SUSD3: variants seen among roughly 807,000 people sequenced by gnomAD.
SUSD3 encodes the protein sushi domain containing 3.
SUSD3 carries 18 observed loss-of-function variants against 20.6 expected under a neutral mutation model. That is an observed-to-expected ratio of 0.87 (90% CI 0.60 to 1.30). The LOEUF (loss-of-function observed/expected upper bound fraction) is 1.30. SUSD3 is among the 50% of genes most tolerant of loss of function. The pLI is 0.00. For synonymous variants in SUSD3, 137 were observed against 141.5 expected, an observed-to-expected ratio of 0.97 and a Z score of 0.23; for missense variants, 306 against 346.9, an observed-to-expected ratio of 0.88 and a Z score of 0.94.
At chr9:93,075,697 G>A (rs1213780490) in intron 1 of SUSD3, 87 bp from the exon 2 acceptor site, 3 of 872,596 alleles carry the variant, frequency 3.4e-6, no homozygotes, top group East Asian at 2.9e-5. Context: ...TGCTGTGCCA[G>A]CTCCTCACTC....
At chr9:93,074,431 C>CAAAAAA (rs56872294) in intron 1 of SUSD3, among the ~76,000 whole-genome samples, 4 of 38,874 alleles carry the variant, frequency 1.0e-4, no homozygotes, top group Middle Eastern at 0.017. Flanking sequence ...GACTCTGACT[C>CAAAAAA]AAAAAAAAAA....
intron 1 of SUSD3, 117 bp from the exon 2 acceptor site, chr9:93,075,667 C>T (rs1826107417): frequency 1.4e-6 from 1 of 739,058 alleles, no homozygotes; most frequent in Non-Finnish European, 2.2e-6. Flanking sequence ...GGAGCTGCAC[C>T]CCACCCCTGT....
intron 2 of SUSD3, 33 bp downstream of exon 2, chr9:93,076,005 G>A (rs773113490): frequency 8.4e-5 from 131 of 1,550,868 alleles, no homozygotes; most frequent in Non-Finnish European, 1.1e-4. Context: ...GGTGGCTCTG[G>A]GGGTGGGGGA....
In SUSD3 at chr9:93,077,913, C is replaced by T; in HGVS notation, c.345C>T (p.Ile115=). The T allele has an allele frequency of 6.2e-7, 1 of 1,614,216 alleles. No homozygotes were observed. Among genetic ancestry groups the T allele is most frequent in the Non-Finnish European group, 8.5e-7 (1 of 1,180,024 alleles). ...TCGCCTCCATTGTGAGCTGTGCCAT[C>T]ATCCTGCTCATGTCCATGGCCTTCC... ...AVIASIVSCA[I]ILLMSMAFLT... Residue 115 remains isoleucine (I), a synonymous_variant, in exon 3 of 5, where the codon ATC becomes ATT. Transcript: ENST00000375472.
intron 1 of SUSD3, among the ~76,000 whole-genome samples, chr9:93,070,795 G>A (rs565449659): frequency 6.6e-5 from 10 of 152,356 alleles, no homozygotes; most frequent in African/African-American, 1.9e-4. Context: ...CCCACAGGCT[G>A]GAACCCGTGT....
intron 1 of SUSD3, among the ~76,000 whole-genome samples, chr9:93,073,947 C>T (rs1430405384): frequency 6.6e-6 from 1 of 152,142 alleles, no homozygotes; most frequent in African/African-American, 2.4e-5. Context: ...TGTGGTAAGA[C>T]CCTCTGCCCA....
rs556738504 is a variant in SUSD3, at chr9:93,079,582, C to G, written c.537C>G (p.His179Gln). 1 of 1,613,802 alleles carries G rather than the reference C, an allele frequency of 6.2e-7. No homozygotes were observed. The highest frequency in any genetic ancestry group is 1.7e-5 in the Admixed American group (1 of 60,002). Reference protein sequence around the residue: ...NKPVSGPSQAHDNHSFTTDHG... With the variant: ...NKPVSGPSQAQDNHSFTTDHG... ...CCGTGAGCGGGCCCAGCCAGGCGCA[C>G]GACAACCACAGCTTCACCACGTGAG... Residue 179 changes from histidine to glutamine, a missense_variant, in exon 4 of 5, where the codon CAC becomes CAG. Transcript: ENST00000375472.
intron 1 of SUSD3, 49 bp from the exon 2 acceptor site, chr9:93,075,735 T>TTTCCCC: frequency 4.0e-6 from 1 of 247,428 alleles, no homozygotes; most frequent in Admixed American, 6.0e-5. Context: ...CTGCCCTGCG[T>TTTCCCC]GCCCACCCCC....
At position 93,078,157 on chromosome 9, in the gene SUSD3, C is replaced by T. The variant is rs528127271; in HGVS notation, c.425+164C>T. On this transcript the variant is annotated intron_variant, in intron 3 of 4. Transcript: ENST00000375472. The stretch of plus-strand genomic sequence containing the variant: ...GCGTCTCCCCCCCAAGTGCTGCTCC[C>T]GGCCCACGCAGCAGCCAGGGGCAGC... 7.2e-5 allele frequency among the ~76,000 whole-genome samples: 11 copies of T among 152,376 alleles called. No homozygotes were observed. The East Asian group carries it at 1.2e-3, about 16-fold the overall frequency.
intron 4 of SUSD3, among the ~76,000 whole-genome samples, chr9:93,082,310 CTTTT>C (rs561486543): frequency 0.046 from 3,970 of 86,836 alleles, 32 homozygotes; most frequent in South Asian, 0.12. Context: ...GGCCTCTTTC[CTTTT>C]TTTTTTTTTT....
intron 4 of SUSD3, among the ~76,000 whole-genome samples, chr9:93,083,524 A>T (rs77054797): frequency 0.015 from 2,267 of 152,304 alleles, 53 homozygotes; most frequent in African/African-American, 0.051. Context: ...GCAATGTGCC[A>T]GGCACTGTTC....
chr9:93,084,772 G>T lies in SUSD3; in HGVS notation c.*25G>T, dbSNP rs1000698906. ...ACCACGCAGTGAGGCTGGTGCCCAT[G>T]CTCCACACTGGGAGGCCAGGCTGAC... is the stretch of plus-strand genomic sequence containing the variant. On this transcript the variant is annotated 3_prime_UTR_variant, in exon 5 of 5. Coordinates refer to ENST00000375472, the MANE Select transcript of SUSD3 (RefSeq NM_145006.4). 12 of 1,457,678 alleles carry T rather than the reference G, an allele frequency of 8.2e-6. No individual in the cohort carries two copies. In the Admixed American group the frequency reaches 1.7e-4, roughly 21 times the overall value. 90.3% of individuals were successfully genotyped at this position (1,457,678 alleles called of 1,614,324 possible).
intron 4 of SUSD3, among the ~76,000 whole-genome samples, chr9:93,079,840 C>T (rs1193211086): frequency 6.6e-6 from 1 of 152,136 alleles, no homozygotes; most frequent in Non-Finnish European, 1.5e-5. Context: ...CTGGAGGGTC[C>T]ACCCTCCAGG....
At chr9:93,062,028 A>G (rs1238531475) in intron 1 of SUSD3, among the ~76,000 whole-genome samples, 1 of 152,254 alleles carries the variant, frequency 6.6e-6, no homozygotes, top group Non-Finnish European at 1.5e-5. Context: ...CCAAGGTTCC[A>G]GATAAAAGAT....
chr9:93,069,216 C>T (rs1181453999), intron 1 of SUSD3: 6 of 690,246 alleles, frequency 8.7e-6, no homozygotes, highest in South Asian at 1.5e-5. Context: ...TCCACCCCGC[C>T]TGGGATTGCT....
intron 3 of SUSD3, among the ~76,000 whole-genome samples, chr9:93,078,537 C>T (rs1413522030): frequency 1.3e-5 from 2 of 152,134 alleles, no homozygotes; most frequent in Non-Finnish European, 2.9e-5. Flanking sequence ...GCTGGGATTA[C>T]AGGCGTGAGC....
At chr9:93,072,023 C>T (rs1825929957) in intron 1 of SUSD3, among the ~76,000 whole-genome samples, 1 of 152,138 alleles carries the variant, frequency 6.6e-6, no homozygotes, top group African/African-American at 2.4e-5. Context: ...TTTGCTGTGC[C>T]TCAGTTTCCC....
chr9:93,082,310 CTTTTTTTTTT>C (rs561486543), intron 4 of SUSD3, among the ~76,000 whole-genome samples: 4 of 87,228 alleles, frequency 4.6e-5, no homozygotes, highest in Non-Finnish European at 7.9e-5. Flanking sequence ...GGCCTCTTTC[CTTTTTTTTTT>C]TTTTTTTTTT....
chr9:93,064,365 C>A (rs1434783199), intron 1 of SUSD3, among the ~76,000 whole-genome samples: 2 of 152,170 alleles, frequency 1.3e-5, no homozygotes, highest in South Asian at 2.1e-4. Flanking sequence ...CTTTATCCCC[C>A]ACGTCTGTGA....
Sources: allele counts gnomAD v4.1 joint callset (sites outside exome capture counted in the v4.1 genomes callset), GRCh38; gene constraint gnomAD v4.1.1; transcripts MANE v1.5; gene names NCBI Gene and HGNC (gene_info 2026-07-23, HGNC 2026-07-21).